The following NKAIN3 variants were observed in gnomAD, a reference collection of about 807,000 sequenced individuals.
NKAIN3 encodes the protein sodium/potassium-transporting ATPase subunit beta-1-interacting protein 3.
Under a neutral mutation model 30.2 loss-of-function variants are expected in NKAIN3, and 25 were observed. The observed-to-expected ratio is 0.83, with a 90% CI of 0.60 to 1.16. The LOEUF (loss-of-function observed/expected upper bound fraction) is 1.16. Ranked by LOEUF, NKAIN3 falls within the 50% of genes most tolerant of loss-of-function variation. NKAIN3 has a pLI of 0.00. For synonymous variants in NKAIN3, 91 were observed against 89.6 expected, an observed-to-expected ratio of 1.02 and a Z score of -0.09; for missense variants, 225 against 254.1, an observed-to-expected ratio of 0.89 and a Z score of 0.78.
At chr8:62,660,002 A>G (rs944438246) in intron 3 of NKAIN3, among the ~76,000 whole-genome samples, 1 of 152,128 alleles carries the variant, frequency 6.6e-6, no homozygotes, top group Non-Finnish European at 1.5e-5. Context: ...TTTCTTTTGT[A>G]TATTGCCCAG....
At chr8:62,264,909 A>G (rs915090459) in intron 1 of NKAIN3, among the ~76,000 whole-genome samples, 4 of 152,122 alleles carry the variant, frequency 2.6e-5, no homozygotes, top group African/African-American at 9.7e-5. Flanking sequence ...CACTCTCATG[A>G]AGACTCTTGG....
intron 1 of NKAIN3, among the ~76,000 whole-genome samples, chr8:62,546,509 G>C (rs929477751): frequency 6.6e-6 from 1 of 152,140 alleles, no homozygotes; most frequent in East Asian, 1.9e-4. Context: ...GCACAAGTAG[G>C]CACCCATTGT....
At chr8:62,842,750 C>T (rs1004859012) in intron 4 of NKAIN3, among the ~76,000 whole-genome samples, 2 of 152,014 alleles carry the variant, frequency 1.3e-5, no homozygotes, top group Admixed American at 6.6e-5. Flanking sequence ...GCCAAGAACC[C>T]ATAATGGAGG....
intron 4 of NKAIN3, among the ~76,000 whole-genome samples, chr8:62,906,683 G>A (rs1480335112): frequency 6.6e-6 from 1 of 152,132 alleles, no homozygotes; most frequent in East Asian, 1.9e-4. Flanking sequence ...ATAAAGGGGA[G>A]TTTCCCTGCA....
intron 1 of NKAIN3, among the ~76,000 whole-genome samples, chr8:62,273,194 C>T (rs190319908): frequency 1.3e-5 from 2 of 152,258 alleles, no homozygotes; most frequent in Admixed American, 1.3e-4. Flanking sequence ...AAATTTAGTG[C>T]TTTTTAATTA....
At chr8:62,846,462 C>T (rs1257431872) in intron 4 of NKAIN3, among the ~76,000 whole-genome samples, 1 of 152,040 alleles carries the variant, frequency 6.6e-6, no homozygotes, top group East Asian at 1.9e-4. Context: ...GCTATTCTTC[C>T]TGATGTTCTC....
chr8:62,465,970 C>G (rs1034223200), intron 1 of NKAIN3, among the ~76,000 whole-genome samples: 6 of 151,844 alleles, frequency 4.0e-5, no homozygotes, highest in African/African-American at 1.5e-4. Flanking sequence ...TTTAGTGAGC[C>G]AAGATCGCGC....
At chr8:62,806,791 AG>A (rs1182434925) in intron 4 of NKAIN3, among the ~76,000 whole-genome samples, 5 of 152,038 alleles carry the variant, frequency 3.3e-5, no homozygotes, top group Admixed American at 3.3e-4. Flanking sequence ...GTACCCTAAA[AG>A]TTAAAGTATA....
chr8:62,685,019 T>C (rs1813754078), intron 3 of NKAIN3, among the ~76,000 whole-genome samples: 1 of 152,160 alleles, frequency 6.6e-6, no homozygotes, highest in Admixed American at 6.5e-5. Flanking sequence ...ACTCGCATAG[T>C]CAGGAAGGCA....
intron 1 of NKAIN3, among the ~76,000 whole-genome samples, chr8:62,257,929 C>T (rs1423485687): frequency 1.3e-5 from 2 of 151,468 alleles, no homozygotes; most frequent in African/African-American, 2.4e-5. Context: ...CTTTATTTTC[C>T]TTAGGAGAAT....
At chr8:62,765,635 A>T (rs1037347201) in intron 4 of NKAIN3, among the ~76,000 whole-genome samples, 2 of 152,206 alleles carry the variant, frequency 1.3e-5, no homozygotes, top group African/African-American at 4.8e-5. Context: ...AGTTAATTAC[A>T]TTACCTTGGT....
At chr8:62,935,934 A>G (rs1388611174) in intron 5 of NKAIN3, among the ~76,000 whole-genome samples, 1 of 152,170 alleles carries the variant, frequency 6.6e-6, no homozygotes, top group Non-Finnish European at 1.5e-5. Flanking sequence ...AAAAAAATTT[A>G]AAAACAAAAA....
intron 1 of NKAIN3, among the ~76,000 whole-genome samples, chr8:62,459,726 G>A (rs908935044): frequency 3.9e-5 from 6 of 152,114 alleles, no homozygotes; most frequent in Admixed American, 2.0e-4. Context: ...TACATAGATC[G>A]GAGAAGAAAG....
At position 62,888,912 on chromosome 8, in the gene NKAIN3, T is replaced by C. The variant is rs1376753626; in HGVS notation, c.472-29541T>C. 4.6e-5 allele frequency among the ~76,000 whole-genome samples: 7 copies of C among 152,224 alleles called. No homozygotes were observed. In the East Asian group the frequency reaches 1.3e-3, roughly 29 times the overall value. On this transcript the variant is annotated intron_variant, in intron 4 of 6. Transcript: ENST00000623646. The stretch of plus-strand genomic sequence containing the variant: ...GTTTATTCAACAAACAGGTTTTTAA[T>C]GAGACCTTCTTACCTTTTGTTGAAC...
At chr8:62,702,398 A>G (rs1309421424) in intron 3 of NKAIN3, among the ~76,000 whole-genome samples, 1 of 152,186 alleles carries the variant, frequency 6.6e-6, no homozygotes, top group Non-Finnish European at 1.5e-5. Context: ...AAGGCATTGG[A>G]AAAATATTTT....
intron 1 of NKAIN3, among the ~76,000 whole-genome samples, chr8:62,536,380 G>A (rs2129866939): frequency 6.6e-6 from 1 of 152,230 alleles, no homozygotes; most frequent in Non-Finnish European, 1.5e-5. Flanking sequence ...AACAGTTATG[G>A]AATACCTATG....
At chr8:62,929,334 T>C (rs987837534) in intron 5 of NKAIN3, among the ~76,000 whole-genome samples, 1 of 152,238 alleles carries the variant, frequency 6.6e-6, no homozygotes, top group Non-Finnish European at 1.5e-5. Flanking sequence ...TATACTGTGT[T>C]TTCGTATGCT....
At chr8:62,935,111 A>G (rs765558526) in intron 5 of NKAIN3, among the ~76,000 whole-genome samples, 1 of 152,190 alleles carries the variant, frequency 6.6e-6, no homozygotes, top group South Asian at 2.1e-4. Flanking sequence ...AATGTGGCAC[A>G]CTAATGAATT....
intron 1 of NKAIN3, among the ~76,000 whole-genome samples, chr8:62,505,997 A>G (rs1344318033): frequency 6.6e-6 from 1 of 152,066 alleles, no homozygotes; most frequent in South Asian, 2.1e-4. Context: ...CTCTTCCTCC[A>G]TCTTTTAAGC....
Sources: allele counts gnomAD v4.1 joint callset (sites outside exome capture counted in the v4.1 genomes callset), GRCh38; gene constraint gnomAD v4.1.1; transcripts MANE v1.5; gene names NCBI Gene and HGNC (gene_info 2026-07-23, HGNC 2026-07-21).